The following RARS2 variants were observed in gnomAD, a reference collection of about 807,000 sequenced individuals.
The protein encoded by RARS2 is arginyl-tRNA synthetase 2, mitochondrial.
RARS2 carries 67 observed loss-of-function variants against 88.5 expected under a neutral mutation model. The observed-to-expected ratio is 0.76, with a 90% CI of 0.62 to 0.93. The LOEUF (loss-of-function observed/expected upper bound fraction) is 0.93, where lower values mean the gene tolerates loss of function less well. Ranked by LOEUF, RARS2 falls within the 40% of genes least tolerant of loss-of-function variation. RARS2 has a pLI of 0.00. For missense variants in RARS2, 664 were observed against 684.2 expected (o/e 0.97, Z 0.33); for synonymous variants, 239 against 230.3 (o/e 1.04, Z -0.34).
At chr6:87,554,467 A>T (rs532444448) in intron 5 of RARS2, among the ~76,000 whole-genome samples, 35 of 152,084 alleles carry the variant, frequency 2.3e-4, no homozygotes, top group South Asian at 4.2e-4. Context: ...ACTTAAAAAA[A>T]TTTTTTTTGA....
intron 5 of RARS2, among the ~76,000 whole-genome samples, chr6:87,554,892 G>A (rs1156721765): frequency 2.0e-5 from 3 of 152,106 alleles, no homozygotes; most frequent in Non-Finnish European, 4.4e-5. Flanking sequence ...CACGAGGTCA[G>A]GAGATGGAGA....
intron 8 of RARS2, among the ~76,000 whole-genome samples, chr6:87,541,268 C>G (rs1430898714): frequency 6.6e-6 from 1 of 152,138 alleles, no homozygotes; most frequent in Admixed American, 6.5e-5. Context: ...CCTTGAACCC[C>G]TGGGGTCTAG....
chr6:87,539,688 A>C (rs1197225699), intron 8 of RARS2, among the ~76,000 whole-genome samples: 2 of 152,206 alleles, frequency 1.3e-5, no homozygotes, highest in Non-Finnish European at 2.9e-5. Flanking sequence ...GGATGTGTCA[A>C]GTTATAAATG....
At chr6:87,584,297 G>A (rs1774471142) in intron 1 of RARS2, among the ~76,000 whole-genome samples, 3 of 152,116 alleles carry the variant, frequency 2.0e-5, no homozygotes, top group African/African-American at 7.2e-5. Context: ...CCTCATTCAG[G>A]GGTCTGATGT....
intron 10 of RARS2, among the ~76,000 whole-genome samples, chr6:87,525,216 T>A (rs1042325111): frequency 5.9e-5 from 9 of 152,236 alleles, no homozygotes; most frequent in African/African-American, 2.2e-4. Context: ...AAAAGTGACA[T>A]GTCTCTTAAG....
At chr6:87,579,223 G>A (rs1029517151) in intron 1 of RARS2, among the ~76,000 whole-genome samples, 10 of 151,978 alleles carry the variant, frequency 6.6e-5, no homozygotes, top group African/African-American at 2.2e-4. Flanking sequence ...ATACTTTGCC[G>A]TATATGGGAA....
intron 14 of RARS2, chr6:87,519,124 A>G: frequency 2.1e-6 from 1 of 483,810 alleles, no homozygotes; most frequent in Non-Finnish European, 3.7e-6. Context: ...TAGGAAAAAT[A>G]AATTTGGATT....
intron 19 of RARS2, 110 bp from the exon 20 acceptor site, chr6:87,514,609 G>T: frequency 1.0e-6 from 1 of 957,410 alleles, no homozygotes; most frequent in African/African-American, 1.6e-5. Context: ...GGAACAATAT[G>T]TCAAAGTGCC....
chr6:87,589,912 G>T lies in RARS2; in HGVS notation c.36+10C>A. ...CTCAGGGACTCCTCTGCGCGCTCCG[G>T]GATCCATACCTGGCAAGCAATAGCG... On this transcript the variant is annotated intron_variant, in intron 1 of 19. Coordinates refer to ENST00000369536, the MANE Select transcript of RARS2 (RefSeq NM_020320.5). 2 of 1,614,222 alleles carry T rather than the reference G, an allele frequency of 1.2e-6. No individual in the cohort carries two copies. Among genetic ancestry groups the T allele is most frequent in the Non-Finnish European group, 1.7e-6 (2 of 1,180,038 alleles).
chr6:87,544,152 G>C (rs1209378101), intron 7 of RARS2, among the ~76,000 whole-genome samples: 1 of 152,190 alleles, frequency 6.6e-6, no homozygotes, highest in Non-Finnish European at 1.5e-5. Context: ...TCACATATTT[G>C]CTAATGCCTC....
intron 9 of RARS2, among the ~76,000 whole-genome samples, chr6:87,529,876 C>A (rs1290295886): frequency 2.0e-5 from 3 of 150,186 alleles, no homozygotes; most frequent in African/African-American, 7.4e-5. Context: ...GGCAAGATGG[C>A]GAGGACCTCA....
chr6:87,579,345 A>C (rs997205878), intron 1 of RARS2, among the ~76,000 whole-genome samples: 1 of 152,166 alleles, frequency 6.6e-6, no homozygotes, highest in Non-Finnish European at 1.5e-5. Flanking sequence ...TCCCCAGGTG[A>C]TCTAATGTGC....
chr6:87,548,503 TG>T (rs1328356096), intron 6 of RARS2, 87 bp downstream of exon 6: 1 of 1,317,356 alleles, frequency 7.6e-7, no homozygotes, highest in East Asian at 2.5e-5. Flanking sequence ...TTTGCTATTT[TG>T]TTATTTAAGC....
Position 87,568,661 on chromosome 6 carries a change from A to G in RARS2, c.110+856T>C, listed in dbSNP as rs1009515181. Among the ~76,000 whole-genome samples the G allele has an allele frequency of 4.2e-4, 64 of 152,352 alleles. 1 individual carries two copies. Among genetic ancestry groups the G allele is most frequent in the African/African-American group, 1.5e-3 (64 of 41,574 alleles). ...CCTCTCTTACAGAAAGTCAATATAAAAAGCCGCAGTGGGCCATTTTAAAGG... is the reference window on the plus strand; with the variant it reads ...CCTCTCTTACAGAAAGTCAATATAAGAAGCCGCAGTGGGCCATTTTAAAGG... On this transcript the variant is annotated intron_variant, in intron 2 of 19. Coordinates refer to ENST00000369536, the MANE Select transcript of RARS2 (RefSeq NM_020320.5).
intron 1 of RARS2, among the ~76,000 whole-genome samples, chr6:87,589,293 T>C (rs901952930): frequency 2.0e-5 from 3 of 152,170 alleles, no homozygotes; most frequent in Non-Finnish European, 4.4e-5. Context: ...GGAGGACAGC[T>C]TGAGCCCAGG....
At chr6:87,536,696 T>C (rs1779292886) in intron 8 of RARS2, among the ~76,000 whole-genome samples, 2 of 152,076 alleles carry the variant, frequency 1.3e-5, no homozygotes, top group Admixed American at 6.5e-5. Flanking sequence ...TGGAAAGGCT[T>C]TTTGATATAT....
intron 1 of RARS2, among the ~76,000 whole-genome samples, chr6:87,572,074 A>G (rs960341592): frequency 2.1e-5 from 3 of 145,880 alleles, no homozygotes; most frequent in Non-Finnish European, 3.0e-5. Flanking sequence ...CATCAGTAAT[A>G]AAGGTTCTAT....
intron 18 of RARS2, 64 bp from the exon 19 acceptor site, chr6:87,515,084 T>C: frequency 8.2e-7 from 1 of 1,212,310 alleles, no homozygotes; most frequent in Non-Finnish European, 1.2e-6. Context: ...AGATATGAGC[T>C]TGATATCTAA....
chr6:87,544,173 A>C (rs1485589490), intron 7 of RARS2, among the ~76,000 whole-genome samples: 1 of 152,244 alleles, frequency 6.6e-6, no homozygotes, highest in Non-Finnish European at 1.5e-5. Context: ...TGAAATGTCT[A>C]AATCGGTCAA....
Sources: allele counts gnomAD v4.1 joint callset (sites outside exome capture counted in the v4.1 genomes callset), GRCh38; gene constraint gnomAD v4.1.1; transcripts MANE v1.5; gene names NCBI Gene and HGNC (gene_info 2026-07-23, HGNC 2026-07-21).